MAST2: variants seen among roughly 807,000 people sequenced by gnomAD.
MAST2 encodes microtubule associated serine/threonine kinase 2, also known as microtubule-associated serine/threonine-protein kinase 2.
In MAST2, 70 loss-of-function variants were observed where a neutral mutation model predicts 147.4. The ratio of observed to expected loss-of-function variants is 0.47; its 90% CI spans 0.39 to 0.58. The LOEUF is 0.58. MAST2 is among the 20% of genes least tolerant of loss of function. MAST2 has a pLI of 0.00. For missense variants in MAST2, 2,080 were observed against 2,302.3 expected, an observed-to-expected ratio of 0.90 and a Z score of 1.98; for synonymous variants, 869 against 896.8, an observed-to-expected ratio of 0.97 and a Z score of 0.55.
At position 45,824,466 on chromosome 1, in the gene MAST2, A is replaced by G. The variant is rs914841498; in HGVS notation, c.211A>G (p.Arg71Gly). 2.5e-6 allele frequency: 4 copies of G among 1,611,100 alleles called. No homozygotes were observed. The African/African-American group carries it at 5.3e-5, about 22-fold the overall frequency. Reference sequence around the variant, plus strand: ...AACTGGAGTTAGTCCCCTGCTCTTCAGGAAACTCAGTAATCCTGACATATT... The same window carrying G: ...AACTGGAGTTAGTCCCCTGCTCTTCGGGAAACTCAGTAATCCTGACATATT... ...VVTGVSPLLF[R>G]KLSNPDIFSS... Residue 71 changes from arginine to glycine, a missense_variant, in exon 2 of 29, where the codon AGG becomes GGG. Transcript: ENST00000361297.
intron 4 of MAST2, among the ~76,000 whole-genome samples, chr1:45,939,084 T>C (rs1459863335): frequency 6.6e-6 from 1 of 152,188 alleles, no homozygotes; most frequent in Non-Finnish European, 1.5e-5. Flanking sequence ...ATGCTTTTGG[T>C]ATCTAAGAAC....
intron 5 of MAST2, among the ~76,000 whole-genome samples, chr1:45,985,745 G>GAACA (rs1644587633): frequency 6.6e-6 from 1 of 152,184 alleles, no homozygotes; most frequent in Non-Finnish European, 1.5e-5. Context: ...TTTAACCCAT[G>GAACA]AACATGCTTT....
chr1:45,838,976 C>CT lies in MAST2; in HGVS notation c.468+9405dup, dbSNP rs1297137373. ...GTGTATTGGAAGACTCATATCTTTT[C>CT]TTTTTTTTTTCCTTTGAGACAGGGT... is the stretch of plus-strand genomic sequence containing the variant. On this transcript the variant is annotated intron_variant, in intron 3 of 28. Coordinates refer to ENST00000361297, the MANE Select transcript of MAST2 (RefSeq NM_015112.3). 1.8e-3 allele frequency among the ~76,000 whole-genome samples: 275 copies of CT among 148,952 alleles called. 2 individuals carry two copies. The highest frequency in any genetic ancestry group is 3.4e-3 in the African/African-American group (137 of 40,584).
chr1:45,887,494 C>T (rs1187239753), intron 4 of MAST2, among the ~76,000 whole-genome samples: 1 of 152,040 alleles, frequency 6.6e-6, no homozygotes, highest in Non-Finnish European at 1.5e-5. Context: ...ACTTAGATAC[C>T]AGATATTGGA....
chr1:45,889,043 C>A (rs1053490080), intron 4 of MAST2, among the ~76,000 whole-genome samples: 1 of 152,114 alleles, frequency 6.6e-6, no homozygotes, highest in Non-Finnish European at 1.5e-5. Flanking sequence ...AATCTCTTGC[C>A]TCTGCTACTG....
intron 5 of MAST2, among the ~76,000 whole-genome samples, chr1:45,970,769 G>A (rs1643885119): frequency 6.8e-6 from 1 of 146,592 alleles, no homozygotes; most frequent in Admixed American, 6.8e-5. Flanking sequence ...TTCATCCTGT[G>A]ATGTCACTTC....
intron 3 of MAST2, among the ~76,000 whole-genome samples, chr1:45,881,341 C>T (rs557147865): frequency 2.1e-4 from 32 of 152,238 alleles, no homozygotes; most frequent in South Asian, 6.2e-4. Flanking sequence ...GGTGAATCTC[C>T]CAGTTTTCAT....
chr1:45,979,547 A>G (rs1644315460), intron 5 of MAST2, among the ~76,000 whole-genome samples: 1 of 152,114 alleles, frequency 6.6e-6, no homozygotes, highest in East Asian at 1.9e-4. Flanking sequence ...CATTAATAAC[A>G]ATCAGCTTAG....
chr1:45,938,029 G>A (rs1310397604), intron 4 of MAST2, among the ~76,000 whole-genome samples: 2 of 152,064 alleles, frequency 1.3e-5, no homozygotes, highest in African/African-American at 2.4e-5. Flanking sequence ...TTTTGGTTCT[G>A]TATTATGTGC....
intron 3 of MAST2, among the ~76,000 whole-genome samples, chr1:45,861,656 G>T (rs1645985584): frequency 6.6e-6 from 1 of 151,552 alleles, no homozygotes; most frequent in African/African-American, 2.4e-5. Flanking sequence ...TGTGGTGGAA[G>T]AAATATTCCT....
intron 3 of MAST2, among the ~76,000 whole-genome samples, chr1:45,856,907 A>G (rs776009635): frequency 2.0e-5 from 3 of 152,150 alleles, no homozygotes; most frequent in Non-Finnish European, 4.4e-5. Flanking sequence ...TTATTTTTAA[A>G]TAATACTTTA....
At chr1:45,912,337 G>A (rs573546497) in intron 4 of MAST2, among the ~76,000 whole-genome samples, 1 of 152,294 alleles carries the variant, frequency 6.6e-6, no homozygotes, top group East Asian at 1.9e-4. Context: ...ATATTTGTAT[G>A]TATTTCAGTA....
At chr1:46,007,213 G>A (rs1473930225) in intron 8 of MAST2, among the ~76,000 whole-genome samples, 1 of 152,168 alleles carries the variant, frequency 6.6e-6, no homozygotes, top group East Asian at 1.9e-4. Flanking sequence ...TGGCTAAGAT[G>A]TGCAGGGTAG....
chr1:45,903,986 A>G (rs1045103472), intron 4 of MAST2, among the ~76,000 whole-genome samples: 6 of 152,118 alleles, frequency 3.9e-5, no homozygotes, highest in African/African-American at 9.7e-5. Flanking sequence ...CACTTTTCCT[A>G]TGTTCTTGCT....
chr1:45,829,699 A>G lies in MAST2; in HGVS notation c.468+118A>G, dbSNP rs1644893803. 2.8e-5 allele frequency: 29 copies of G among 1,048,762 alleles called. No individual in the cohort carries two copies. In the South Asian group the frequency reaches 4.8e-4, roughly 18 times the overall value. 65.0% of individuals were successfully genotyped at this position (1,048,762 alleles called of 1,614,324 possible). On this transcript the variant is annotated intron_variant, in intron 3 of 28. Coordinates refer to ENST00000361297, the MANE Select transcript of MAST2 (RefSeq NM_015112.3). ...TGGAGAATTCAGTTTCCCAAAATGA[A>G]GTATGGAAGAGAATGAATTTATTAT...
At chr1:45,859,433 T>C (rs1454653184) in intron 3 of MAST2, among the ~76,000 whole-genome samples, 1 of 152,134 alleles carries the variant, frequency 6.6e-6, no homozygotes, top group Non-Finnish European at 1.5e-5. Flanking sequence ...AATAGGAGTT[T>C]ACTAGGTAAG....
chr1:45,975,500 A>C lies in MAST2; in HGVS notation c.592+16023A>C, dbSNP rs1309091666. On this transcript the variant is annotated intron_variant, in intron 5 of 28. Coordinates refer to ENST00000361297, the MANE Select transcript of MAST2 (RefSeq NM_015112.3). ...ATAGTGAGTCCCTGTCTCTCCAAAA[A>C]AAAAAAAAAAAAAAAAAAAAAGCCA... Among the ~76,000 whole-genome samples the C allele has an allele frequency of 2.3e-4, 15 of 66,168 alleles. 1 individual carries two copies. The highest frequency in any genetic ancestry group is 5.7e-4 in the African/African-American group (8 of 14,046). 43.4% of individuals were successfully genotyped at this position (66,168 alleles called of 152,430 possible).
At position 46,006,552 on chromosome 1, in the gene MAST2, T is replaced by A. The variant is rs115315598; in HGVS notation, c.902+157T>A. The A allele has an allele frequency of 2.1e-3, 1,141 of 531,734 alleles. 4 individuals carry two copies. The highest frequency in any genetic ancestry group is 3.0e-3 in the Non-Finnish European group (1,003 of 335,256). The allele number at this position is 531,734 out of a possible 1,614,324, so 32.9% of individuals were successfully genotyped here. On this transcript the variant is annotated intron_variant, in intron 8 of 28. Coordinates refer to ENST00000361297, the MANE Select transcript of MAST2 (RefSeq NM_015112.3). ...CTGTCACATTCCTCAACTCTGCTGT[T>A]GTAGTATGAAAGTATCCACAAATAA...
chr1:45,852,347 A>G (rs529919985), intron 3 of MAST2, among the ~76,000 whole-genome samples: 1 of 152,028 alleles, frequency 6.6e-6, no homozygotes, highest in East Asian at 1.9e-4. Context: ...GTTCTTCTCT[A>G]TGTGAATTAT....
Sources: allele counts gnomAD v4.1 joint callset (sites outside exome capture counted in the v4.1 genomes callset), GRCh38; gene constraint gnomAD v4.1.1; transcripts MANE v1.5; gene names NCBI Gene and HGNC (gene_info 2026-07-23, HGNC 2026-07-21).